Variants in NIPSNAP3B observed in about 807,000 individuals in gnomAD.
The protein encoded by NIPSNAP3B is nipsnap homolog 3B.
Under a neutral mutation model 31.5 loss-of-function variants are expected in NIPSNAP3B, and 30 were observed. That is an observed-to-expected ratio of 0.95 (90% CI 0.71 to 1.29). The LOEUF (loss-of-function observed/expected upper bound fraction) is 1.29, where lower values mean the gene tolerates loss of function less well. Ranked by LOEUF, NIPSNAP3B falls within the 50% of genes most tolerant of loss-of-function variation. The probability of loss-of-function intolerance (pLI) is 0.00; values close to 1 mark genes in which losing one functional copy is unlikely to be tolerated. For synonymous variants in NIPSNAP3B, 106 were observed against 107.9 expected (o/e 0.98, Z 0.11); for missense variants, 269 against 300.7 (o/e 0.89, Z 0.78).
chr9:104,771,752 G>A (rs946810597), intron 4 of NIPSNAP3B, among the ~76,000 whole-genome samples: 1 of 152,180 alleles, frequency 6.6e-6, no homozygotes, highest in African/African-American at 2.4e-5. Flanking sequence ...CCAGTAATGG[G>A]ATTGTTGGGT....
At chr9:104,780,489 C>A (rs758954268), downstream of NIPSNAP3B, among the ~76,000 whole-genome samples, 9 of 152,186 alleles carry the variant, frequency 5.9e-5, no homozygotes, top group Non-Finnish European at 1.2e-4. Context: ...ATGTTGTCTG[C>A]ACAGCACTTA....
intron 1 of NIPSNAP3B, among the ~76,000 whole-genome samples, chr9:104,764,601 G>A (rs1178149832): frequency 1.3e-5 from 2 of 152,172 alleles, no homozygotes; most frequent in Admixed American, 1.3e-4. Context: ...GTGCAGTGGC[G>A]TAGTCTCGGC....
downstream of NIPSNAP3B, chr9:104,781,543 A>G (rs933294777): frequency 2.0e-5 from 3 of 152,644 alleles, no homozygotes; most frequent in African/African-American, 7.2e-5. Context: ...GGCTTTAGTC[A>G]ATGATTACTA....
the NIPSNAP3B span, chr9:104,783,623 G>A: frequency 6.6e-6 from 1 of 152,544 alleles, no homozygotes; most frequent in Admixed American, 6.5e-5. Context: ...CCCGTGCCTG[G>A]AGACACCCAC....
At chr9:104,784,321 A>G in the NIPSNAP3B span, 1 of 1,614,132 alleles carries the variant, frequency 6.2e-7, no homozygotes, top group Non-Finnish European at 8.5e-7. Flanking sequence ...TTCTTCATAC[A>G]TAGCTTTCTT....
chr9:104,769,489 A>G (rs1374114509), intron 3 of NIPSNAP3B, among the ~76,000 whole-genome samples: 1 of 150,728 alleles, frequency 6.6e-6, no homozygotes, highest in Non-Finnish European at 1.5e-5. Flanking sequence ...AGAGTTCTAG[A>G]GCTCTTTGCT....
Position 104,775,683 on chromosome 9 carries a change from C to T in NIPSNAP3B, c.*2610C>T, listed in dbSNP as rs1828321082. Among the ~76,000 whole-genome samples, 1 of 152,204 alleles carries T rather than the reference C, an allele frequency of 6.6e-6. No homozygotes were observed. Among genetic ancestry groups the T allele is most frequent in the South Asian group, 2.1e-4 (1 of 4,830 alleles). ...ACATCCAGGTGTGTTCCCCACACCTCCACCTGAATGTCTATTAGAAATCTC... is the reference window on the plus strand; with the variant it reads ...ACATCCAGGTGTGTTCCCCACACCTTCACCTGAATGTCTATTAGAAATCTC... On this transcript the variant is annotated 3_prime_UTR_variant, in exon 6 of 6. Transcript: ENST00000374762.
At chr9:104,765,677 T>A (rs1828076126) in intron 1 of NIPSNAP3B, among the ~76,000 whole-genome samples, 1 of 152,198 alleles carries the variant, frequency 6.6e-6, no homozygotes, top group East Asian at 1.9e-4. Context: ...TTTGTTGAGT[T>A]TTTTTCCTTT....
At chr9:104,780,960 ACCCTTCAACAGTAGGTGGTG>A (rs1828509860), downstream of NIPSNAP3B, 1 of 152,574 alleles carries the variant, frequency 6.6e-6, no homozygotes, top group Non-Finnish European at 1.5e-5. Context: ...TGGCTTTATA[ACCCTTCAACAGTAGGTGGTG>A]CCACAAATGC....
chr9:104,776,740 G>T lies in NIPSNAP3B; in HGVS notation c.*3667G>T, dbSNP rs1828346268. ...CATAATTAATGTTTTACTTATATAT[G>T]ATTTGTTAATGTATGTCTCTTCCCA... On this transcript the variant is annotated 3_prime_UTR_variant, in exon 6 of 6. Coordinates refer to ENST00000374762, the MANE Select transcript of NIPSNAP3B (RefSeq NM_018376.4). Among the ~76,000 whole-genome samples, 1 of 152,150 alleles carries T rather than the reference G, an allele frequency of 6.6e-6. No individual in the cohort carries two copies.
chr9:104,770,766 A>T, intron 3 of NIPSNAP3B, 83 bp from the exon 4 acceptor site: 1 of 1,188,866 alleles, frequency 8.4e-7, no homozygotes, highest in Non-Finnish European at 1.2e-6. Context: ...TTCATTGGTT[A>T]GCCTTCTAAT....
At chr9:104,782,848 TAA>T in the NIPSNAP3B span, 198 of 136,092 alleles carry the variant, frequency 1.5e-3, no homozygotes, top group Middle Eastern at 3.9e-3. Context: ...TTGTTGCAAT[TAA>T]AAAAAAAAAA....
rs1160678457 is a variant in NIPSNAP3B at position 104,774,753 on chromosome 9, A to G, written c.*1680A>G. On this transcript the variant is annotated 3_prime_UTR_variant, in exon 6 of 6. Coordinates refer to ENST00000374762, the MANE Select transcript of NIPSNAP3B (RefSeq NM_018376.4). ...ATTATGACTTTTCCTAAAACTTAACATGACAGAGATTTGCCTTCCAGGGGG... is the reference window on the plus strand; with the variant it reads ...ATTATGACTTTTCCTAAAACTTAACGTGACAGAGATTTGCCTTCCAGGGGG... 1.3e-5 allele frequency among the ~76,000 whole-genome samples: 2 copies of G among 152,324 alleles called. No individual in the cohort carries two copies. The highest frequency in any genetic ancestry group is 6.5e-5 in the Admixed American group (1 of 15,306).
Position 104,773,150 on chromosome 9 carries a change from G to A in NIPSNAP3B, c.*77G>A, listed in dbSNP as rs899365032. On this transcript the variant is annotated 3_prime_UTR_variant, in exon 6 of 6. Transcript: ENST00000374762. ...TAATGGTGCTTAAATTCTCCCAAGA[G>A]GTTCTCGCTTTTATTTGAAGGAGGT... 7.0e-7 allele frequency: 1 copy of A among 1,420,396 alleles called. No individual in the cohort carries two copies. Among genetic ancestry groups the A allele is most frequent in the African/African-American group, 1.4e-5 (1 of 70,296 alleles). The allele number at this position is 1,420,396 out of a possible 1,614,324, so 88.0% of individuals were successfully genotyped here. A position where few individuals can be genotyped will look rare whatever the true frequency, so the allele number is the denominator to read the frequency against.
rs1456366748 is a variant in NIPSNAP3B, at chr9:104,764,302, T to G, written c.60+2T>G. ...GCCTCACGGACGCTCGCGCCTCAGG[T>G]ACTGGCCGCGGGGGCGCGCCCGAGC... On this transcript the variant is annotated splice_donor_variant, in intron 1 of 5. Transcript: ENST00000374762. LOFTEE classifies it high-confidence loss of function. 4.4e-6 allele frequency: 7 copies of G among 1,581,120 alleles called. No individual in the cohort carries two copies. The highest frequency in any genetic ancestry group is 6.0e-6 in the Non-Finnish European group (7 of 1,166,076).
At chr9:104,770,422 T>C (rs1430922612) in intron 3 of NIPSNAP3B, among the ~76,000 whole-genome samples, 1 of 152,156 alleles carries the variant, frequency 6.6e-6, no homozygotes, top group East Asian at 1.9e-4. Flanking sequence ...TTATTTCCTC[T>C]CAAAATTGAA....
chr9:104,782,946 C>T, the NIPSNAP3B span: 12 of 152,430 alleles, frequency 7.9e-5, no homozygotes, highest in African/African-American at 2.9e-4. Flanking sequence ...AATAACATGG[C>T]ACAGGAAGTG....
chr9:104,770,912 T>C lies in NIPSNAP3B; in HGVS notation c.494T>C (p.Phe165Ser), dbSNP rs1163638159. ...PGGPALWGDA[F>S]ERAINAHVNL... ...GGGCCAGCTCTGTGGGGTGATGCAT[T>C]TGAAAGAGCAATTAATGCCCATGTC... Residue 165 changes from phenylalanine (F) to serine (S), a missense_variant, in exon 4 of 6, where the codon TTT becomes TCT. Physicochemically the swap from Phe to Ser is radical, Grantham distance 155. Coordinates refer to ENST00000374762, the MANE Select transcript of NIPSNAP3B (RefSeq NM_018376.4). 13 of 1,613,828 alleles carry C rather than the reference T, an allele frequency of 8.1e-6. No homozygotes were observed. The highest frequency in any genetic ancestry group is 1.0e-5 in the Non-Finnish European group (12 of 1,179,846).
chr9:104,773,589 C>T lies in NIPSNAP3B; in HGVS notation c.*516C>T, dbSNP rs1828273044. 2 of 152,318 alleles carry T rather than the reference C, an allele frequency of 1.3e-5. No individual in the cohort carries two copies. The highest frequency in any genetic ancestry group is 2.9e-5 in the Non-Finnish European group (2 of 68,208). 9.4% of individuals were successfully genotyped at this position (152,318 alleles called of 1,614,324 possible). ...TCTTTACTGTGGAAAAGTACAATGT[C>T]ATCTGTATTAATTATTGCTTTTACA... On this transcript the variant is annotated 3_prime_UTR_variant, in exon 6 of 6. Transcript: ENST00000374762.
Sources: allele counts gnomAD v4.1 joint callset (sites outside exome capture counted in the v4.1 genomes callset), GRCh38; gene constraint gnomAD v4.1.1; transcripts MANE v1.5; gene names NCBI Gene and HGNC (gene_info 2026-07-23, HGNC 2026-07-21).